Variants in ACOD1 observed in about 807,000 individuals in gnomAD.
ACOD1 encodes aconitate decarboxylase 1.
Under a neutral mutation model 14.2 loss-of-function variants are expected in ACOD1, and 14 were observed. The observed-to-expected ratio is 0.99, with a 90% CI of 0.65 to 1.54. The LOEUF (loss-of-function observed/expected upper bound fraction) is 1.54. Among genes scored for constraint, ACOD1 ranks in the 40% most tolerant of loss-of-function variants. The pLI, the probability that ACOD1 is intolerant of heterozygous loss-of-function variation, is 0.00. For synonymous variants in ACOD1, 182 were observed against 221.7 expected (o/e 0.82, Z 1.59); for missense variants, 530 against 586.3 (o/e 0.90, Z 0.99).
chr13:76,953,529 G>C (rs2033843490), intron 2 of ACOD1, 71 bp from the exon 3 acceptor site: 1 of 906,492 alleles, frequency 1.1e-6, no homozygotes, highest in Non-Finnish European at 1.8e-6. Flanking sequence ...CAAAGATGAA[G>C]AATAACTCTT....
At position 76,957,021 on chromosome 13, in the gene ACOD1, C is replaced by T. The variant is rs1379937987; in HGVS notation, c.482C>T (p.Pro161Leu). ...ANDMPKRFHP[P>L]SVVGTLGSAA... Reference sequence around the variant, plus strand: ...TCTTTGCTTTTCAGATTCCATCCCCCTTCCGTGGTAGGAACGTTGGGTAGT... The same window carrying T: ...TCTTTGCTTTTCAGATTCCATCCCCTTTCCGTGGTAGGAACGTTGGGTAGT... Residue 161 changes from proline (P) to leucine (L), a missense_variant, in exon 5 of 5, where the codon CCT (proline) becomes CTT (leucine). Coordinates refer to ENST00000377462, the MANE Select transcript of ACOD1 (RefSeq NM_001258406.2). 6.5e-7 allele frequency: 1 copy of T among 1,547,400 alleles called. No individual in the cohort carries two copies. The highest frequency in any genetic ancestry group is 8.7e-7 in the Non-Finnish European group (1 of 1,144,954).
At chr13:76,950,836 C>A (rs1424650780) in intron 1 of ACOD1, among the ~76,000 whole-genome samples, 3 of 152,220 alleles carry the variant, frequency 2.0e-5, no homozygotes, top group African/African-American at 7.2e-5. Flanking sequence ...ACATCACAGT[C>A]TTTAGAGTGA....
At chr13:76,950,151 C>CT (rs2033808774) in intron 1 of ACOD1, among the ~76,000 whole-genome samples, 1 of 152,212 alleles carries the variant, frequency 6.6e-6, no homozygotes, top group South Asian at 2.1e-4. Context: ...CTCTGTAGCT[C>CT]TGTCCTGGCA....
intron 2 of ACOD1, 34 bp downstream of exon 2, chr13:76,952,684 C>A (rs900598744): frequency 6.5e-7 from 1 of 1,532,940 alleles, no homozygotes; most frequent in East Asian, 2.4e-5. Flanking sequence ...AGAGATAAAA[C>A]CCAGTGCATA....
In ACOD1 at chr13:76,958,099, C is replaced by A; in HGVS notation, c.*114C>A. ...AAAAATGAACAAAGATGGAGAGAGTCCAGAAACAGAACTACATATATCTGG... is the reference window on the plus strand; with the variant it reads ...AAAAATGAACAAAGATGGAGAGAGTACAGAAACAGAACTACATATATCTGG... On this transcript the variant is annotated 3_prime_UTR_variant, in exon 5 of 5. Coordinates refer to ENST00000377462, the MANE Select transcript of ACOD1 (RefSeq NM_001258406.2). The A allele has an allele frequency of 9.3e-7, 1 of 1,080,140 alleles. No individual in the cohort carries two copies. The highest frequency in any genetic ancestry group is 1.3e-6 in the Non-Finnish European group (1 of 780,638). 66.9% of individuals were successfully genotyped at this position (1,080,140 alleles called of 1,614,324 possible).
chr13:76,958,323 C>A lies in ACOD1; in HGVS notation c.*338C>A, dbSNP rs1385320913. On this transcript the variant is annotated 3_prime_UTR_variant, in exon 5 of 5. Transcript: ENST00000377462. ...AAGGTTTTAGAGGGATGTGAACCTG[C>A]ATGTATATTTTCTGACAGTGGAGAG... The A allele has an allele frequency of 4.8e-6, 1 of 207,912 alleles. No individual in the cohort carries two copies. Among genetic ancestry groups the A allele is most frequent in the Admixed American group, 5.3e-5 (1 of 18,904 alleles). The allele number at this position is 207,912 out of a possible 1,614,324, so 12.9% of individuals were successfully genotyped here. A position where few individuals can be genotyped will look rare whatever the true frequency, so the allele number is the denominator to read the frequency against.
intron 3 of ACOD1, 51 bp from the exon 4 acceptor site, chr13:76,955,268 A>T: frequency 6.9e-7 from 1 of 1,456,592 alleles, no homozygotes; most frequent in Non-Finnish European, 9.4e-7. Context: ...AAGCCATTGC[A>T]TTAAGGGAAA....
At chr13:76,949,754 A>C (rs2033805442) in intron 1 of ACOD1, among the ~76,000 whole-genome samples, 1 of 152,172 alleles carries the variant, frequency 6.6e-6, no homozygotes, top group South Asian at 2.1e-4. Context: ...GAGAGGTTTA[A>C]AAGAGGTAGT....
chr13:76,951,389 C>T (rs991339451), intron 1 of ACOD1, among the ~76,000 whole-genome samples: 1 of 152,168 alleles, frequency 6.6e-6, no homozygotes, highest in Non-Finnish European at 1.5e-5. Flanking sequence ...GTACCCACCA[C>T]CACACCCGGC....
At chr13:76,948,988 G>A (rs2033796040) in intron 1 of ACOD1, among the ~76,000 whole-genome samples, 2 of 152,148 alleles carry the variant, frequency 1.3e-5, no homozygotes, top group Non-Finnish European at 2.9e-5. Context: ...CTTGTGGGCC[G>A]GGCACAGTGG....
chr13:76,953,652 T>G lies in ACOD1; in HGVS notation c.227T>G (p.Leu76Arg), dbSNP rs1285934367. The G allele has an allele frequency of 1.3e-6, 2 of 1,549,746 alleles. No homozygotes were observed. The highest frequency in any genetic ancestry group is 2.4e-5 in the South Asian group (2 of 84,020). ...STVWGQPDIR[L>R]PPTYAAFVNG... ...GTTTGGGGTCAGCCAGACATCAGGC[T>G]CCCGCCCACATATGCTGCTTTTGTG... Residue 76 changes from leucine to arginine, a missense_variant, in exon 3 of 5, where the codon CTC becomes CGC. Physicochemically the swap from Leu to Arg is moderately radical, Grantham distance 102 (BLOSUM62 -2). Coordinates refer to ENST00000377462, the MANE Select transcript of ACOD1 (RefSeq NM_001258406.2).
In ACOD1 at chr13:76,956,203, CATTTT is replaced by C. The variant is rs577053826; in HGVS notation, c.470+690_470+694del. 1.0e-3 allele frequency among the ~76,000 whole-genome samples: 153 copies of C among 152,050 alleles called. 1 individual carries two copies. The highest frequency in any genetic ancestry group is 3.5e-3 in the African/African-American group (147 of 41,510). On this transcript the variant is annotated intron_variant, in intron 4 of 4. Coordinates refer to ENST00000377462, the MANE Select transcript of ACOD1 (RefSeq NM_001258406.2). ...AAGAGGTAGATGTTATTATTATCAC[CATTTT>C]ATTTTATTTTTTGAGATGGAGTCTC... is the stretch of plus-strand genomic sequence containing the variant.
At chr13:76,956,345 G>T (rs2033875144) in intron 4 of ACOD1, among the ~76,000 whole-genome samples, 1 of 152,042 alleles carries the variant, frequency 6.6e-6, no homozygotes, top group South Asian at 2.1e-4. Context: ...GGGACTACAG[G>T]CATGCACCAC....
In ACOD1 at chr13:76,955,536, A is replaced by G. The variant is rs1178991044; in HGVS notation, c.470+12A>G. The G allele has an allele frequency of 6.5e-7, 1 of 1,548,138 alleles. No individual in the cohort carries two copies. Among genetic ancestry groups the G allele is most frequent in the East Asian group, 2.4e-5 (1 of 40,878 alleles). ...GACATGCCAAAGAGGTATGGAGAGA[A>G]TTTGCCCCATCAAAAGGTAGTCACA... On this transcript the variant is annotated intron_variant, in intron 4 of 4. Coordinates refer to ENST00000377462, the MANE Select transcript of ACOD1 (RefSeq NM_001258406.2).
intron 1 of ACOD1, 52 bp downstream of exon 1, chr13:76,948,622 TTCC>T: frequency 6.9e-7 from 1 of 1,453,348 alleles, no homozygotes; most frequent in Non-Finnish European, 9.4e-7. Flanking sequence ...AGCAGACTTC[TTCC>T]TTCCTCAATT....
chr13:76,952,726 T>C, intron 2 of ACOD1, 76 bp downstream of exon 2: 2 of 1,231,422 alleles, frequency 1.6e-6, no homozygotes, highest in Admixed American at 4.9e-5. Flanking sequence ...ATACTTCGTT[T>C]TATAGACAGC....
chr13:76,955,054 G>A (rs529379929), intron 3 of ACOD1, among the ~76,000 whole-genome samples: 1 of 148,428 alleles, frequency 6.7e-6, no homozygotes, highest in South Asian at 2.1e-4. Flanking sequence ...TTGAACCCAG[G>A]AGGCAGAGGT....
At chr13:76,951,829 G>A (rs1168100301) in intron 1 of ACOD1, among the ~76,000 whole-genome samples, 1 of 152,162 alleles carries the variant, frequency 6.6e-6, no homozygotes, top group South Asian at 2.1e-4. Flanking sequence ...GTGGTCTGGA[G>A]TGGGGACCAG....
Position 76,957,721 on chromosome 13 carries a change from T to C in ACOD1, c.1182T>C (p.Asp394=), listed in dbSNP as rs1227809911. 1.9e-6 allele frequency: 3 copies of C among 1,550,704 alleles called. No individual in the cohort carries two copies. The South Asian group carries it at 3.6e-5, about 18-fold the overall frequency. ...GTGAAATAAGTGTCACCCTCAAGGA[T>C]GGAGCCACCTTCACAGATCGCTCTG... ...LYCEISVTLK[D]GATFTDRSDT... Residue 394 remains aspartate (D), a synonymous_variant, in exon 5 of 5, where the codon GAT becomes GAC. Transcript: ENST00000377462.
Sources: allele counts gnomAD v4.1 joint callset (sites outside exome capture counted in the v4.1 genomes callset), GRCh38; gene constraint gnomAD v4.1.1; transcripts MANE v1.5; gene names NCBI Gene and HGNC (gene_info 2026-07-23, HGNC 2026-07-21).